The following CTNNA3 variants were observed in gnomAD, a reference collection of about 807,000 sequenced individuals.
CTNNA3 encodes the protein catenin alpha-3.
A neutral mutation model predicts 95.7 loss-of-function variants in CTNNA3; 76 were observed. The observed-to-expected ratio is 0.79, with a 90% CI of 0.66 to 0.96. The LOEUF (loss-of-function observed/expected upper bound fraction) is 0.96. Among genes scored for constraint, CTNNA3 ranks in the 40% least tolerant of loss-of-function variants. The pLI is 0.00. For synonymous variants in CTNNA3, 431 were observed against 374.4 expected, an observed-to-expected ratio of 1.15 and a Z score of -1.74; for missense variants, 1,191 against 1,089.8, an observed-to-expected ratio of 1.09 and a Z score of -1.31.
At chr10:66,933,209 CATT>C (rs1180112208) in intron 7 of CTNNA3, among the ~76,000 whole-genome samples, 2 of 152,244 alleles carry the variant, frequency 1.3e-5, no homozygotes, top group Admixed American at 6.5e-5. Flanking sequence ...CATTTTACAT[CATT>C]AGAAGTCTAG....
rs147943689 is a variant in CTNNA3 at position 66,867,234 on chromosome 10, C to T, written c.1048-91710G>A. Among the ~76,000 whole-genome samples, 854 of 152,300 alleles carry T rather than the reference C, an allele frequency of 5.6e-3. 7 individuals are homozygous for T. Among genetic ancestry groups the T allele is most frequent in the African/African-American group, 0.02 (811 of 41,566 alleles). On this transcript the variant is annotated intron_variant, in intron 7 of 17. Transcript: ENST00000433211. ...TATCTTCAGCATGCAAGTTTTCTCT[C>T]TGAAACAACTCAAAAACTCCATGTG...
intron 7 of CTNNA3, among the ~76,000 whole-genome samples, chr10:67,062,121 T>C (rs1855791374): frequency 6.6e-6 from 1 of 152,112 alleles, no homozygotes; most frequent in Non-Finnish European, 1.5e-5. Flanking sequence ...CATTATCTCT[T>C]AGGATCATAT....
chr10:66,561,007 T>A (rs1842536887), intron 10 of CTNNA3, among the ~76,000 whole-genome samples: 1 of 152,056 alleles, frequency 6.6e-6, no homozygotes, highest in Non-Finnish European at 1.5e-5. Flanking sequence ...AATAAATTTT[T>A]GTTGTTTAAG....
intron 13 of CTNNA3, among the ~76,000 whole-genome samples, chr10:66,170,316 T>C (rs918173085): frequency 1.4e-5 from 2 of 143,880 alleles, no homozygotes; most frequent in Non-Finnish European, 3.0e-5. Flanking sequence ...AACAGAAATA[T>C]GGCATTCAAG....
At chr10:66,980,005 A>C (rs994593629) in intron 7 of CTNNA3, among the ~76,000 whole-genome samples, 1 of 152,208 alleles carries the variant, frequency 6.6e-6, no homozygotes, top group Non-Finnish European at 1.5e-5. Context: ...GAGGAAGGAA[A>C]ACAAGGTTAT....
intron 1 of CTNNA3, among the ~76,000 whole-genome samples, chr10:67,745,309 C>T (rs1466009810): frequency 2.0e-5 from 3 of 152,146 alleles, no homozygotes; most frequent in Admixed American, 1.3e-4. Flanking sequence ...CACATATACA[C>T]CATGGAATAC....
chr10:67,453,611 T>C (rs1299999137), intron 5 of CTNNA3, among the ~76,000 whole-genome samples: 3 of 152,174 alleles, frequency 2.0e-5, no homozygotes, highest in Non-Finnish European at 4.4e-5. Flanking sequence ...AGATGATGCA[T>C]CCATTTGGAA....
chr10:67,085,163 A>G (rs185590422), intron 7 of CTNNA3, among the ~76,000 whole-genome samples: 1 of 152,126 alleles, frequency 6.6e-6, no homozygotes, highest in East Asian at 1.9e-4. Context: ...TACACTATCA[A>G]GAATAACACC....
rs1274842429 is a variant in CTNNA3 at position 65,915,188 on chromosome 10, A to C, written c.*5142T>G. On this transcript the variant is annotated 3_prime_UTR_variant, in exon 18 of 18. Transcript: ENST00000433211. ...ACCCAGATTGGCTCTAATATTGGGAAGAATTTCACCTACCATCAGTCAGGA... is the reference window on the plus strand; with the variant it reads ...ACCCAGATTGGCTCTAATATTGGGACGAATTTCACCTACCATCAGTCAGGA... 1 of 152,246 alleles carries C rather than the reference A, an allele frequency of 6.6e-6. No homozygotes were observed. Among genetic ancestry groups the C allele is most frequent in the South Asian group, 2.1e-4 (1 of 4,824 alleles). 9.4% of individuals were successfully genotyped at this position (152,246 alleles called of 1,614,324 possible).
At chr10:67,702,636 G>A (rs1841050647) in intron 1 of CTNNA3, among the ~76,000 whole-genome samples, 1 of 152,154 alleles carries the variant, frequency 6.6e-6, no homozygotes, top group Non-Finnish European at 1.5e-5. Context: ...AGTGTGTAGA[G>A]GGAAATTTAT....
intron 11 of CTNNA3, among the ~76,000 whole-genome samples, chr10:66,456,278 T>C (rs2093494578): frequency 6.6e-6 from 1 of 152,186 alleles, no homozygotes; most frequent in Middle Eastern, 3.4e-3. Flanking sequence ...CTACCTAAAT[T>C]TAAAATTTAC....
intron 14 of CTNNA3, among the ~76,000 whole-genome samples, chr10:66,087,877 C>T (rs1441537915): frequency 6.6e-6 from 1 of 151,956 alleles, no homozygotes; most frequent in African/African-American, 2.4e-5. Flanking sequence ...AATATTTAGC[C>T]AGTTTGAGAC....
At chr10:67,311,973 G>A (rs939124093) in intron 5 of CTNNA3, among the ~76,000 whole-genome samples, 5 of 151,010 alleles carry the variant, frequency 3.3e-5, no homozygotes, top group Middle Eastern at 3.4e-3. Context: ...ACACACACAC[G>A]CACACGTACC....
chr10:66,277,457 C>T (rs1356737729), intron 13 of CTNNA3, among the ~76,000 whole-genome samples: 1 of 151,974 alleles, frequency 6.6e-6, no homozygotes, highest in African/African-American at 2.4e-5. Flanking sequence ...GTTCTAAGGC[C>T]AGAATATTGG....
At position 66,928,573 on chromosome 10, in the gene CTNNA3, T is replaced by C; in HGVS notation, c.1048-153049A>G. 7.8e-6 allele frequency: 7 copies of C among 902,542 alleles called. No individual in the cohort carries two copies. In the East Asian group the frequency reaches 1.9e-4, roughly 24 times the overall value. The allele number at this position is 902,542 out of a possible 1,614,324, so 55.9% of individuals were successfully genotyped here. A position where few individuals can be genotyped will look rare whatever the true frequency, so the allele number is the denominator to read the frequency against. On this transcript the variant is annotated intron_variant, in intron 7 of 17. Transcript: ENST00000433211. ...CCTCCCCTTCCCTCTCCCTCTCACT[T>C]TGCTGGCAAGATCCTTCCTTGTCCG...
chr10:66,493,612 T>C (rs1404406283), intron 11 of CTNNA3, among the ~76,000 whole-genome samples: 1 of 147,054 alleles, frequency 6.8e-6, no homozygotes, highest in East Asian at 2.1e-4. Flanking sequence ...TTTTTTTTTT[T>C]TTTTTTTGAG....
At chr10:67,175,141 AGGG>A (rs1481168138) in intron 7 of CTNNA3, among the ~76,000 whole-genome samples, 5 of 108,498 alleles carry the variant, frequency 4.6e-5, no homozygotes, top group Admixed American at 1.2e-4. Flanking sequence ...AAAGGGAGGG[AGGG>A]AGGGAGGGAG....
chr10:67,189,738 A>G (rs1311204142), intron 6 of CTNNA3, among the ~76,000 whole-genome samples: 1 of 152,162 alleles, frequency 6.6e-6, no homozygotes, highest in African/African-American at 2.4e-5. Context: ...AAACTTGAAA[A>G]CAAGTCAAAG....
rs376498213 is a variant in CTNNA3 at position 67,645,552 on chromosome 10, T to C, written c.99+1863A>G. ...TAGGAACAAAACCTTAAATGACTTG[T>C]GAGAACTCATTTAAAACTGTCCCCA... On this transcript the variant is annotated intron_variant, in intron 2 of 17. Transcript: ENST00000433211. Among the ~76,000 whole-genome samples the C allele has an allele frequency of 5.9e-5, 9 of 152,274 alleles. No homozygotes were observed. In the East Asian group the frequency reaches 1.7e-3, roughly 29 times the overall value.
Sources: allele counts gnomAD v4.1 joint callset (sites outside exome capture counted in the v4.1 genomes callset), GRCh38; gene constraint gnomAD v4.1.1; transcripts MANE v1.5; gene names NCBI Gene and HGNC (gene_info 2026-07-23, HGNC 2026-07-21).